The following PPP2R2C variants were observed in gnomAD, a reference collection of about 807,000 sequenced individuals.
PPP2R2C encodes the protein protein phosphatase 2 regulatory subunit Bgamma, also known as protein phosphatase 2, regulatory subunit B, gamma.
In PPP2R2C, 10 loss-of-function variants were observed where a neutral mutation model predicts 45.3. That is an observed-to-expected ratio of 0.22 (90% CI 0.14 to 0.37). The LOEUF is 0.37. Among genes scored for constraint, PPP2R2C ranks in the 10% least tolerant of loss-of-function variants. The pLI is 1.00. For missense variants in PPP2R2C, 308 were observed against 619.7 expected (o/e 0.50, Z 5.34); for synonymous variants, 257 against 245.4 (o/e 1.05, Z -0.44).
intron 1 of PPP2R2C, among the ~76,000 whole-genome samples, chr4:6,388,309 C>A (rs1197062756): frequency 6.6e-6 from 1 of 152,176 alleles, no homozygotes; most frequent in African/African-American, 2.4e-5. Context: ...CCTAGTGACC[C>A]GCCCAGTAAC....
chr4:6,379,825 C>T (rs1715637572), intron 2 of PPP2R2C, among the ~76,000 whole-genome samples: 1 of 152,174 alleles, frequency 6.6e-6, no homozygotes, highest in Non-Finnish European at 1.5e-5. Flanking sequence ...ACAGGGTCAC[C>T]GTGAGGAGGG....
upstream of PPP2R2C, among the ~76,000 whole-genome samples, chr4:6,477,231 C>G (rs4074039): frequency 6.6e-6 from 1 of 152,162 alleles, no homozygotes; most frequent in African/African-American, 2.4e-5. Flanking sequence ...GCCTGGGCCA[C>G]ACAGCAAGAT....
chr4:6,397,468 C>G (rs1043065000), intron 1 of PPP2R2C, among the ~76,000 whole-genome samples: 1 of 152,180 alleles, frequency 6.6e-6, no homozygotes, highest in Non-Finnish European at 1.5e-5. Context: ...CAGAGGCGGC[C>G]CTGGGGGTCC....
intron 2 of PPP2R2C, among the ~76,000 whole-genome samples, chr4:6,511,855 G>A (rs1026860095): frequency 2.0e-4 from 7 of 34,384 alleles, no homozygotes; most frequent in South Asian, 1.3e-3. Context: ...GGTGGTGGTG[G>A]TGGTGGTGAT....
intron 1 of PPP2R2C, among the ~76,000 whole-genome samples, chr4:6,452,373 C>G (rs1560558137): frequency 6.6e-6 from 1 of 152,198 alleles, no homozygotes; most frequent in Non-Finnish European, 1.5e-5. Context: ...CTCGTCCCCT[C>G]TCTCCACTCT....
intron 1 of PPP2R2C, among the ~76,000 whole-genome samples, chr4:6,443,175 T>A (rs1470192407): frequency 1.3e-5 from 2 of 152,076 alleles, no homozygotes; most frequent in Non-Finnish European, 2.9e-5. Context: ...TCGGCACCAC[T>A]CTTGTTAGGA....
rs141909810 is a variant in PPP2R2C at position 6,401,998 on chromosome 4, G to A, written c.71-20904C>T. On this transcript the variant is annotated intron_variant, in intron 1 of 8. Transcript: ENST00000382599. ...CGCACTGTGTGACTTTGGGCCAGTT[G>A]CTCAACCTCTCTGTGCTTTGGCATC... Among the ~76,000 whole-genome samples the A allele has an allele frequency of 1.9e-3, 296 of 152,280 alleles. 6 individuals carry two copies. Among genetic ancestry groups the A allele is most frequent in the East Asian group, 5.0e-3 (26 of 5,182 alleles).
At chr4:6,339,629 G>C (rs921579053) in intron 6 of PPP2R2C, among the ~76,000 whole-genome samples, 1 of 152,234 alleles carries the variant, frequency 6.6e-6, no homozygotes, top group Non-Finnish European at 1.5e-5. Context: ...GCATGGGCTT[G>C]AGCCATGCAT....
In PPP2R2C at chr4:6,323,269, G is replaced by A; in HGVS notation, c.*33C>T. ...GTCATGTCGGGGATGACTTGCATGAGGCTGGGTGGCAGGGGCCGGGAACTG... is the reference window on the plus strand; with the variant it reads ...GTCATGTCGGGGATGACTTGCATGAAGCTGGGTGGCAGGGGCCGGGAACTG... On this transcript the variant is annotated 3_prime_UTR_variant, in exon 9 of 9. Transcript: ENST00000382599. 6.4e-7 allele frequency: 1 copy of A among 1,561,494 alleles called. No individual in the cohort carries two copies.
At chr4:6,342,759 C>T (rs937547384) in intron 6 of PPP2R2C, among the ~76,000 whole-genome samples, 8 of 152,188 alleles carry the variant, frequency 5.3e-5, no homozygotes, top group East Asian at 3.9e-4. Context: ...TCACAAGACG[C>T]GGATTTCCAG....
intron 2 of PPP2R2C, among the ~76,000 whole-genome samples, chr4:6,495,527 G>A (rs1258062994): frequency 2.6e-5 from 4 of 152,370 alleles, no homozygotes; most frequent in African/African-American, 9.6e-5. Flanking sequence ...TCCTCCTGGT[G>A]AGGGAACAGG....
intron 1 of PPP2R2C, among the ~76,000 whole-genome samples, chr4:6,440,996 C>A: frequency 6.6e-6 from 1 of 152,028 alleles, no homozygotes. Flanking sequence ...GTGTAGGTCC[C>A]ATCTCAAAGT....
intron 1 of PPP2R2C, among the ~76,000 whole-genome samples, chr4:6,392,260 A>G (rs1263118963): frequency 6.6e-6 from 1 of 152,164 alleles, no homozygotes; most frequent in South Asian, 2.1e-4. Context: ...TTAACTGAGC[A>G]CCTACCCTCT....
At position 6,527,028 on chromosome 4, in the gene PPP2R2C, G is replaced by A. The variant is rs530495640; in HGVS notation, c.49+8243C>T. Among the ~76,000 whole-genome samples, 41 of 152,240 alleles carry A rather than the reference G, an allele frequency of 2.7e-4. 1 individual carries two copies. Among genetic ancestry groups the A allele is most frequent in the South Asian group, 6.2e-4 (3 of 4,818 alleles). On this transcript the variant is annotated intron_variant, in intron 2 of 9. Transcript: ENST00000506140. Reference sequence around the variant, plus strand: ...GAGACGCCAACCACGGCTTCAATGCGGAGGAGAAGGAGCCCAGGCTGGTGT... The same window carrying A: ...GAGACGCCAACCACGGCTTCAATGCAGAGGAGAAGGAGCCCAGGCTGGTGT...
intron 5 of PPP2R2C, among the ~76,000 whole-genome samples, chr4:6,356,891 G>A (rs1305729877): frequency 6.6e-6 from 1 of 152,060 alleles, no homozygotes; most frequent in East Asian, 1.9e-4. Flanking sequence ...GTGAGGTGCT[G>A]GGCAGGGAGG....
chr4:6,531,927 A>G (rs1436527499), intron 2 of PPP2R2C, among the ~76,000 whole-genome samples: 1 of 152,192 alleles, frequency 6.6e-6, no homozygotes, highest in Non-Finnish European at 1.5e-5. Context: ...ATGTATTCAC[A>G]TCGGTCTTCC....
chr4:6,390,411 C>A (rs73798221), intron 1 of PPP2R2C, among the ~76,000 whole-genome samples: 54 of 152,324 alleles, frequency 3.5e-4, no homozygotes, highest in African/African-American at 1.2e-3. Context: ...ACCAAGCACA[C>A]TCAGAGTGGG....
intron 1 of PPP2R2C, among the ~76,000 whole-genome samples, chr4:6,451,690 T>A (rs1031906290): frequency 6.6e-6 from 1 of 152,112 alleles, no homozygotes; most frequent in Non-Finnish European, 1.5e-5. Flanking sequence ...GGTTTGGGGA[T>A]GGCCAGGGAG....
Position 6,368,171 on chromosome 4 carries a change from C to A in PPP2R2C, c.625+4352G>T, listed in dbSNP as rs988814434. 3.3e-5 allele frequency among the ~76,000 whole-genome samples: 5 copies of A among 152,124 alleles called. No homozygotes were observed. Among genetic ancestry groups the A allele is most frequent in the African/African-American group, 1.2e-4 (5 of 41,418 alleles). ...TGGCTCAGATTCTTTGGTCAATAAT[C>A]ATTATTTTCACTCTCTTGCACACAC... On this transcript the variant is annotated intron_variant, in intron 5 of 8. Coordinates refer to ENST00000382599, the MANE Select transcript of PPP2R2C (RefSeq NM_020416.4). This position sits in a 1 kb window ranked among gnomAD's most constrained non-coding sequence, Gnocchi z 4.2.
Sources: allele counts gnomAD v4.1 joint callset (sites outside exome capture counted in the v4.1 genomes callset), GRCh38; gene constraint gnomAD v4.1.1; non-coding constraint Gnocchi (gnomAD v3.1); transcripts MANE v1.5; gene names NCBI Gene and HGNC (gene_info 2026-07-23, HGNC 2026-07-21).